The following TMEM236 variants were observed in gnomAD, a reference collection of about 807,000 sequenced individuals.
TMEM236 encodes the protein transmembrane protein 236.
Under a neutral mutation model 14.7 loss-of-function variants are expected in TMEM236, and 11 were observed. The observed-to-expected ratio is 0.75, with a 90% CI of 0.47 to 1.24. TMEM236 has a LOEUF of 1.24. Among genes scored for constraint, TMEM236 ranks in the 50% most tolerant of loss-of-function variants. The pLI is 0.00. For missense variants in TMEM236, 464 were observed against 427.3 expected (o/e 1.09, Z -0.76); for synonymous variants, 182 against 168.6 (o/e 1.08, Z -0.62).
At position 17,796,003 on chromosome 10, in the gene TMEM236, C is replaced by T. The variant is rs1446749397; in HGVS notation, c.555C>T (p.Asn185=). The change falls in exon 4 of 4, where the codon AAC becomes AAT. Residue 185 remains asparagine (N), a synonymous_variant. Coordinates refer to ENST00000377495, the MANE Select transcript of TMEM236 (RefSeq NM_001098844.3). The part of the protein sequence containing the change: ...VTEQVRQSPE[N]AASPQATNST... ...AGCAAGTGAGGCAAAGTCCAGAAAA[C>T]GCTGCATCTCCCCAGGCAACCAACA... 1.1e-5 allele frequency: 17 copies of T among 1,613,760 alleles called. No homozygotes were observed. The highest frequency in any genetic ancestry group is 1.6e-4 in the Middle Eastern group (1 of 6,076).
Position 17,798,421 on chromosome 10 carries a change from C to T in TMEM236, c.*1917C>T. 2 of 395,130 alleles carry T rather than the reference C, an allele frequency of 5.1e-6. No individual in the cohort carries two copies. The highest frequency in any genetic ancestry group is 3.3e-5 in the Admixed American group (1 of 29,898). The allele number at this position is 395,130 out of a possible 1,614,324, so 24.5% of individuals were successfully genotyped here. ...GGGCATGGTGATCTGCAACTATAGT[C>T]CCAGCTACTTAGGAGGCTGGGGCAG... On this transcript the variant is annotated 3_prime_UTR_variant, in exon 4 of 4. Coordinates refer to ENST00000377495, the MANE Select transcript of TMEM236 (RefSeq NM_001098844.3).
intron 1 of TMEM236, among the ~76,000 whole-genome samples, chr10:17,757,036 AAT>A (rs1214291691): frequency 6.6e-6 from 1 of 152,132 alleles, no homozygotes; most frequent in Non-Finnish European, 1.5e-5. Context: ...ACGTGTTTTA[AAT>A]AGTGTTTAGA....
At chr10:17,769,585 G>A (rs1287782683) in intron 1 of TMEM236, among the ~76,000 whole-genome samples, 1 of 152,174 alleles carries the variant, frequency 6.6e-6, no homozygotes, top group Non-Finnish European at 1.5e-5. Flanking sequence ...TTTATGAGTG[G>A]CTTGTCCAAT....
intron 3 of TMEM236, among the ~76,000 whole-genome samples, chr10:17,781,267 C>G (rs1375599932): frequency 6.6e-6 from 1 of 152,122 alleles, no homozygotes; most frequent in African/African-American, 2.4e-5. Flanking sequence ...ACTCCCGTAC[C>G]CTCATATCTG....
intron 3 of TMEM236, among the ~76,000 whole-genome samples, chr10:17,784,811 G>C (rs1343727331): frequency 6.6e-6 from 1 of 152,130 alleles, no homozygotes; most frequent in Non-Finnish European, 1.5e-5. Flanking sequence ...AGAGGGGAGA[G>C]GACCCAAAAG....
chr10:17,796,494 C>G lies in TMEM236; in HGVS notation c.1046C>G (p.Ser349Cys). The change falls in exon 4 of 4, where the codon TCT becomes TGT. Residue 349 changes from serine (S) to cysteine (C), a missense_variant. Ser to Cys is a moderately radical substitution (Grantham distance 112, BLOSUM62 -1). Transcript: ENST00000377495. Reference sequence around the variant, plus strand: ...AGGATTTTTTCTGCCTTTGAAATGTCTCCATTTTAAAAAGGAAATGGGATC... The same window carrying G: ...AGGATTTTTTCTGCCTTTGAAATGTGTCCATTTTAAAAAGGAAATGGGATC... ...RIRIFSAFEMSPF is the reference protein window; with the variant it reads ...RIRIFSAFEMCPF The G allele has an allele frequency of 1.2e-6, 2 of 1,610,518 alleles. No homozygotes were observed. The highest frequency in any genetic ancestry group is 1.7e-5 in the Admixed American group (1 of 59,966).
At position 17,763,929 on chromosome 10, in the gene TMEM236, G is replaced by T. The variant is rs951399740; in HGVS notation, c.258-7380G>T. ...TCAGTTTCATCACCTGTAAAAAAAG[G>T]GTTGATACCTCACTCAGAGGGTTGT... On this transcript the variant is annotated intron_variant, in intron 1 of 3. Transcript: ENST00000377495. Among the ~76,000 whole-genome samples, 10 of 152,132 alleles carry T rather than the reference G, an allele frequency of 6.6e-5. No homozygotes were observed. The East Asian group carries it at 1.7e-3, about 26-fold the overall frequency.
chr10:17,762,620 C>CATAT (rs1564593425), intron 1 of TMEM236, among the ~76,000 whole-genome samples: 6 of 44,444 alleles, frequency 1.4e-4, no homozygotes, highest in South Asian at 7.0e-4. Context: ...TATATATATA[C>CATAT]ACACATACAT....
chr10:17,795,753 G>A (rs1040655099), intron 3 of TMEM236, among the ~76,000 whole-genome samples, 168 bp from the exon 4 acceptor site: 2 of 152,234 alleles, frequency 1.3e-5, no homozygotes, highest in Non-Finnish European at 2.9e-5. Context: ...AAACCTGCAT[G>A]TCCTGCACAT....
At chr10:17,757,469 C>T (rs946612796) in intron 1 of TMEM236, among the ~76,000 whole-genome samples, 6 of 151,880 alleles carry the variant, frequency 4.0e-5, no homozygotes, top group African/African-American at 1.5e-4. Flanking sequence ...CATGGTGGTA[C>T]GTGACTGTAG....
chr10:17,768,603 C>A (rs1031420326), intron 1 of TMEM236, among the ~76,000 whole-genome samples: 1 of 152,086 alleles, frequency 6.6e-6, no homozygotes, highest in Non-Finnish European at 1.5e-5. Context: ...AAGTAGCAAA[C>A]AAGTCAGATA....
chr10:17,778,401 A>C (rs1837693189), intron 3 of TMEM236, among the ~76,000 whole-genome samples: 1 of 152,246 alleles, frequency 6.6e-6, no homozygotes, highest in Non-Finnish European at 1.5e-5. Flanking sequence ...TAAATTATGT[A>C]AATTTTGAAT....
rs1838040845 is a variant in TMEM236 at position 17,797,807 on chromosome 10, A to C, written c.*1303A>C. The C allele has an allele frequency of 2.0e-5, 3 of 152,186 alleles. No homozygotes were observed. In the South Asian group the frequency reaches 6.2e-4, roughly 32 times the overall value. 9.4% of individuals were successfully genotyped at this position (152,186 alleles called of 1,614,324 possible). A position where few individuals can be genotyped will look rare whatever the true frequency, so the allele number is the denominator to read the frequency against. On this transcript the variant is annotated 3_prime_UTR_variant, in exon 4 of 4. Coordinates refer to ENST00000377495, the MANE Select transcript of TMEM236 (RefSeq NM_001098844.3). ...ATATGAGTGTTGTTTAGTATAATGAAGTCAAGGTACATCAGTAATACCAAG... is the reference window on the plus strand; with the variant it reads ...ATATGAGTGTTGTTTAGTATAATGACGTCAAGGTACATCAGTAATACCAAG...
At chr10:17,782,219 A>G (rs1589149719) in intron 3 of TMEM236, among the ~76,000 whole-genome samples, 1 of 152,130 alleles carries the variant, frequency 6.6e-6, no homozygotes. Context: ...GCCATGTTGA[A>G]TTTTTTCTTT....
At chr10:17,774,339 C>T (rs1837624183) in intron 2 of TMEM236, among the ~76,000 whole-genome samples, 1 of 152,158 alleles carries the variant, frequency 6.6e-6, no homozygotes, top group African/African-American at 2.4e-5. Context: ...GTCACTGTGC[C>T]CAGCCTCCTA....
intron 1 of TMEM236, among the ~76,000 whole-genome samples, chr10:17,768,088 T>G (rs1554834476): frequency 4.2e-5 from 5 of 118,184 alleles, no homozygotes; most frequent in Non-Finnish European, 7.0e-5. Flanking sequence ...TTTTTGTGGT[T>G]TTTTTTTTTT....
At chr10:17,764,447 C>T (rs1199039496) in intron 1 of TMEM236, among the ~76,000 whole-genome samples, 3 of 152,202 alleles carry the variant, frequency 2.0e-5, no homozygotes, top group African/African-American at 7.2e-5. Context: ...AACTTGCATT[C>T]TTTGCAGCAT....
rs1238545582 is a variant in TMEM236, at chr10:17,764,837, C to CTTTTTTTTTTTT, written c.258-6470_258-6459dup. Among the ~76,000 whole-genome samples, 657 of 127,196 alleles carry CTTTTTTTTTTTT rather than the reference C, an allele frequency of 5.2e-3. 18 individuals carry two copies. Among genetic ancestry groups the CTTTTTTTTTTTT allele is most frequent in the Middle Eastern group, 9.5e-3 (2 of 210 alleles). The allele number at this position is 127,196 out of a possible 152,430, so 83.4% of individuals were successfully genotyped here. On this transcript the variant is annotated intron_variant, in intron 1 of 3. Coordinates refer to ENST00000377495, the MANE Select transcript of TMEM236 (RefSeq NM_001098844.3). ...CTGCATGTCTGTTTTCAGATTTTCC[C>CTTTTTTTTTTTT]TTTTTTTTTTTTTGAGACGGGGTCT...
chr10:17,763,234 T>A (rs1372032240), intron 1 of TMEM236, among the ~76,000 whole-genome samples: 1 of 152,106 alleles, frequency 6.6e-6, no homozygotes, highest in Admixed American at 6.6e-5. Flanking sequence ...AGAAGATTGC[T>A]TGAGAGCAGG....
Sources: gnomAD v4.1 joint callset for allele counts (sites outside exome capture counted in the v4.1 genomes callset) on GRCh38, gnomAD v4.1.1 for gene constraint, MANE v1.5 for transcripts, NCBI Gene and HGNC (gene_info 2026-07-23, HGNC 2026-07-21) for gene names.